Variants in ADGRB3 observed in about 807,000 individuals in gnomAD.
ADGRB3 encodes adhesion G protein-coupled receptor B3, also known as brain-specific angiogenesis inhibitor 3.
A neutral mutation model predicts 193.4 loss-of-function variants in ADGRB3; 37 were observed. The ratio of observed to expected loss-of-function variants is 0.19; its 90% CI spans 0.15 to 0.25. The LOEUF (loss-of-function observed/expected upper bound fraction) is 0.25, where lower values mean the gene tolerates loss of function less well. Among genes scored for constraint, ADGRB3 ranks in the 10% least tolerant of loss-of-function variants. The pLI, the probability that ADGRB3 is intolerant of heterozygous loss-of-function variation, is 1.00. For synonymous variants in ADGRB3, 690 were observed against 644.2 expected, an observed-to-expected ratio of 1.07 and a Z score of -1.08; for missense variants, 1,637 against 1,852.9, an observed-to-expected ratio of 0.88 and a Z score of 2.14.
At position 68,911,372 on chromosome 6, in the gene ADGRB3, C is replaced by T. The variant is rs182647044; in HGVS notation, c.758-19187C>T. Among the ~76,000 whole-genome samples, 331 of 151,640 alleles carry T rather than the reference C, an allele frequency of 2.2e-3. 2 individuals carry two copies. Among genetic ancestry groups the T allele is most frequent in the Middle Eastern group, 6.8e-3 (2 of 294 alleles). ...ACATGGCACATGTATACGTATGTAACAAACCTGCACGTTGTGCACATGTAC... is the reference window on the plus strand; with the variant it reads ...ACATGGCACATGTATACGTATGTAATAAACCTGCACGTTGTGCACATGTAC... On this transcript the variant is annotated intron_variant, in intron 3 of 31. Transcript: ENST00000370598.
chr6:68,733,016 C>A (rs547841765), intron 3 of ADGRB3, among the ~76,000 whole-genome samples: 4 of 151,646 alleles, frequency 2.6e-5, no homozygotes, highest in Non-Finnish European at 5.9e-5. Flanking sequence ...ACTCTGAGAA[C>A]CACTATTTAC....
Position 68,822,799 on chromosome 6 carries a change from C to T in ADGRB3, c.758-107760C>T, listed in dbSNP as rs148194541. On this transcript the variant is annotated intron_variant, in intron 3 of 31. Coordinates refer to ENST00000370598, the MANE Select transcript of ADGRB3 (RefSeq NM_001704.3). ...TTTATGAGCCACTTCATTTTAGATTCGGGATTCAATGATTCTCTAGTCATG... is the reference window on the plus strand; with the variant it reads ...TTTATGAGCCACTTCATTTTAGATTTGGGATTCAATGATTCTCTAGTCATG... 7.9e-5 allele frequency among the ~76,000 whole-genome samples: 12 copies of T among 152,002 alleles called. 1 individual carries two copies. The highest frequency in any genetic ancestry group is 7.9e-4 in the Admixed American group (12 of 15,254).
rs1413954360 is a variant in ADGRB3 at position 68,881,208 on chromosome 6, G to A, written c.758-49351G>A. On this transcript the variant is annotated intron_variant, in intron 3 of 31. Transcript: ENST00000370598. Reference sequence around the variant, plus strand: ...TTTTTTCAAATAAATACTATACATTGGATATTTTACATATTTAGCATCAAA... The same window carrying A: ...TTTTTTCAAATAAATACTATACATTAGATATTTTACATATTTAGCATCAAA... Among the ~76,000 whole-genome samples, 3 of 150,580 alleles carry A rather than the reference G, an allele frequency of 2.0e-5. No individual in the cohort carries two copies. The East Asian group carries it at 5.9e-4, about 29-fold the overall frequency.
At chr6:69,211,643 TATAAG>T (rs1364665071) in intron 17 of ADGRB3, among the ~76,000 whole-genome samples, 7 of 152,196 alleles carry the variant, frequency 4.6e-5, no homozygotes, top group Non-Finnish European at 1.0e-4. Context: ...ATTTATATTA[TATAAG>T]ATATTTATTA....
At chr6:68,855,414 A>ATTAAT (rs56065569) in intron 3 of ADGRB3, among the ~76,000 whole-genome samples, 45,379 of 151,006 alleles carry the variant, frequency 0.3, 7,386 homozygotes, top group Middle Eastern at 0.51. Context: ...AACTAATAGC[A>ATTAAT]TTAATTTAAT....
intron 3 of ADGRB3, among the ~76,000 whole-genome samples, chr6:68,829,101 T>C (rs1031245484): frequency 2.2e-5 from 3 of 137,460 alleles, no homozygotes; most frequent in Admixed American, 7.3e-5. Context: ...CTTTTTTTTT[T>C]TTTTTTTTTT....
chr6:68,915,016 C>T (rs1018191704), intron 3 of ADGRB3, among the ~76,000 whole-genome samples: 1 of 152,064 alleles, frequency 6.6e-6, no homozygotes, highest in African/African-American at 2.4e-5. Flanking sequence ...TTGAGCCTTG[C>T]TACCATAATT....
chr6:69,083,771 CTTTT>C (rs35483512), intron 17 of ADGRB3, among the ~76,000 whole-genome samples: 13 of 102,228 alleles, frequency 1.3e-4, no homozygotes, highest in South Asian at 7.1e-4. Context: ...TTAACTGTTA[CTTTT>C]TTTTTTTTTT....
rs1271660146 is a variant in ADGRB3 at position 68,655,133 on chromosome 6, TCAGTACCAG to T, written c.757+15702_757+15710del. 5.3e-5 allele frequency among the ~76,000 whole-genome samples: 8 copies of T among 151,002 alleles called. No homozygotes were observed. In the East Asian group the frequency reaches 1.6e-3, roughly 29 times the overall value. Reference sequence around the variant, plus strand: ...TTCTACACATCTCACAGCTATAAATTCAGTACCAGAATTTAGGGAGATAATTTTAATGTA... The same window carrying T: ...TTCTACACATCTCACAGCTATAAATTAATTTAGGGAGATAATTTTAATGTA... On this transcript the variant is annotated intron_variant, in intron 3 of 31. Coordinates refer to ENST00000370598, the MANE Select transcript of ADGRB3 (RefSeq NM_001704.3).
chr6:69,180,781 C>T (rs964135935), intron 17 of ADGRB3, among the ~76,000 whole-genome samples: 2 of 152,214 alleles, frequency 1.3e-5, no homozygotes, highest in South Asian at 2.1e-4. Flanking sequence ...GAGGCCCCTA[C>T]CCGACTCCAG....
chr6:68,818,107 G>C (rs1302251515), intron 3 of ADGRB3, among the ~76,000 whole-genome samples: 1 of 151,968 alleles, frequency 6.6e-6, no homozygotes, highest in Non-Finnish European at 1.5e-5. Flanking sequence ...ATCCATCTCA[G>C]TTTGCTATAT....
At chr6:68,656,907 A>G (rs1768502947) in intron 3 of ADGRB3, among the ~76,000 whole-genome samples, 1 of 151,538 alleles carries the variant, frequency 6.6e-6, no homozygotes, top group African/African-American at 2.4e-5. Context: ...TATAGTCTGT[A>G]CCAAAAGCAA....
rs1448889203 is a variant in ADGRB3, at chr6:69,259,622, G to T, written c.2814+20396G>T. Among the ~76,000 whole-genome samples the T allele has an allele frequency of 2.7e-5, 4 of 150,124 alleles. No individual in the cohort carries two copies. The East Asian group carries it at 7.8e-4, about 29-fold the overall frequency. Reference sequence around the variant, plus strand: ...GAGGCAGGAGAATGGCATGAACTCGGGAGGCAGAGCTTGCAGTGAGCCGAG... The same window carrying T: ...GAGGCAGGAGAATGGCATGAACTCGTGAGGCAGAGCTTGCAGTGAGCCGAG... On this transcript the variant is annotated intron_variant, in intron 20 of 31. Transcript: ENST00000370598.
At chr6:68,858,041 T>C (rs1765036979) in intron 3 of ADGRB3, among the ~76,000 whole-genome samples, 1 of 152,202 alleles carries the variant, frequency 6.6e-6, no homozygotes, top group Non-Finnish European at 1.5e-5. Flanking sequence ...TCCACCATGA[T>C]TGTGAGGCTT....
At chr6:68,855,198 A>G (rs1764944111) in intron 3 of ADGRB3, among the ~76,000 whole-genome samples, 1 of 152,158 alleles carries the variant, frequency 6.6e-6, no homozygotes, top group Non-Finnish European at 1.5e-5. Flanking sequence ...TCAACTCCAA[A>G]TATCTTTTAA....
intron 17 of ADGRB3, among the ~76,000 whole-genome samples, chr6:69,226,798 T>C (rs1272879050): frequency 7.2e-5 from 11 of 152,244 alleles, no homozygotes; most frequent in Non-Finnish European, 1.5e-4. Context: ...CTCACTAACA[T>C]GTCTAGTGGC....
chr6:69,268,602 G>A (rs1582592583), intron 20 of ADGRB3, among the ~76,000 whole-genome samples: 2 of 152,278 alleles, frequency 1.3e-5, no homozygotes, highest in Middle Eastern at 6.8e-3. Flanking sequence ...GGGGGCCTGA[G>A]CCCTTTACTT....
intron 11 of ADGRB3, among the ~76,000 whole-genome samples, chr6:69,011,947 T>C (rs1769950508): frequency 6.6e-6 from 1 of 152,078 alleles, no homozygotes; most frequent in Non-Finnish European, 1.5e-5. Flanking sequence ...CCACTCCGAT[T>C]TAGTAAAGCC....
chr6:68,771,463 C>T (rs1766617560), intron 3 of ADGRB3, among the ~76,000 whole-genome samples: 1 of 151,750 alleles, frequency 6.6e-6, no homozygotes, highest in Non-Finnish European at 1.5e-5. Context: ...GAATTACCTT[C>T]TAATTGAAGA....
Sources: allele counts gnomAD v4.1 joint callset (sites outside exome capture counted in the v4.1 genomes callset), GRCh38; gene constraint gnomAD v4.1.1; transcripts MANE v1.5; gene names NCBI Gene and HGNC (gene_info 2026-07-23, HGNC 2026-07-21).